GRIA4: variants seen among roughly 807,000 people sequenced by gnomAD.
GRIA4 encodes the protein glutamate receptor 4.
In GRIA4, 34 loss-of-function variants were observed where a neutral mutation model predicts 104.0. The ratio of observed to expected loss-of-function variants is 0.33; its 90% confidence interval spans 0.25 to 0.44. The LOEUF (loss-of-function observed/expected upper bound fraction) is 0.44, where lower values mean the gene tolerates loss of function less well. Ranked by LOEUF, GRIA4 falls within the 20% of genes least tolerant of loss-of-function variation. The pLI is 1.00. For missense variants in GRIA4, 750 were observed against 1,096.5 expected (o/e 0.68, Z 4.46); for synonymous variants, 386 against 381.9 (o/e 1.01, Z -0.13).
intron 3 of GRIA4, among the ~76,000 whole-genome samples, chr11:105,659,506 AAAG>A (rs1306700612): frequency 3.6e-4 from 55 of 152,054 alleles, no homozygotes; most frequent in African/African-American, 1.3e-3. Context: ...CAAGGATGGC[AAAG>A]AAGAAGGACA....
At chr11:105,746,782 C>T (rs775393510) in intron 3 of GRIA4, among the ~76,000 whole-genome samples, 4 of 151,960 alleles carry the variant, frequency 2.6e-5, no homozygotes, top group Non-Finnish European at 4.4e-5. Flanking sequence ...AGGGACAGAA[C>T]TAAGAAACAG....
chr11:105,693,294 G>T (rs1196940964), intron 3 of GRIA4, among the ~76,000 whole-genome samples: 3 of 152,098 alleles, frequency 2.0e-5, no homozygotes, highest in Admixed American at 6.5e-5. Context: ...TGTTCAATAT[G>T]CAGTTTTATC....
intron 5 of GRIA4, among the ~76,000 whole-genome samples, chr11:105,885,835 T>A (rs879200504): frequency 6.6e-6 from 1 of 152,214 alleles, no homozygotes; most frequent in African/African-American, 2.4e-5. Flanking sequence ...TGAGAACTTA[T>A]CATAAAAGTG....
At chr11:105,927,882 A>T (rs530040899) in intron 13 of GRIA4, among the ~76,000 whole-genome samples, 1 of 152,040 alleles carries the variant, frequency 6.6e-6, no homozygotes, top group African/African-American at 2.4e-5. Context: ...ATTTATGTCA[A>T]TTGTTTAAAC....
intron 3 of GRIA4, among the ~76,000 whole-genome samples, chr11:105,682,739 C>T (rs1449152748): frequency 1.3e-5 from 2 of 152,170 alleles, no homozygotes; most frequent in African/African-American, 4.8e-5. Flanking sequence ...AATTAAGCAA[C>T]ACTGCAATCT....
At chr11:105,674,316 T>C (rs1385587559) in intron 3 of GRIA4, among the ~76,000 whole-genome samples, 1 of 151,896 alleles carries the variant, frequency 6.6e-6, no homozygotes, top group African/African-American at 2.4e-5. Context: ...TTTGCTAAGT[T>C]GATGATTTGT....
At chr11:105,765,364 T>C (rs934670845) in intron 4 of GRIA4, among the ~76,000 whole-genome samples, 4 of 152,170 alleles carry the variant, frequency 2.6e-5, no homozygotes, top group African/African-American at 7.2e-5. Flanking sequence ...AACAGTAGAA[T>C]TGCATCAACA....
At chr11:105,905,358 A>G (rs1191278871) in intron 9 of GRIA4, 57 bp downstream of exon 9, 2 of 939,418 alleles carry the variant, frequency 2.1e-6, no homozygotes, top group African/African-American at 3.2e-5. Context: ...TGTATGTAAC[A>G]TTTTAAAGGT....
intron 3 of GRIA4, among the ~76,000 whole-genome samples, chr11:105,621,652 C>A (rs1950748292): frequency 6.6e-6 from 1 of 151,720 alleles, no homozygotes; most frequent in South Asian, 2.1e-4. Context: ...ATTTCCAGGT[C>A]TTTGATATTA....
At chr11:105,672,228 A>G (rs17104412) in intron 3 of GRIA4, among the ~76,000 whole-genome samples, 2,129 of 152,290 alleles carry the variant, frequency 0.014, 27 homozygotes, top group Non-Finnish European at 0.023. Context: ...AATGAGTTGA[A>G]TAATCACAAG....
At chr11:105,772,412 A>G (rs1385843544) in intron 4 of GRIA4, among the ~76,000 whole-genome samples, 1 of 152,158 alleles carries the variant, frequency 6.6e-6, no homozygotes, top group Non-Finnish European at 1.5e-5. Flanking sequence ...CAGACAATGT[A>G]AGCTTACAGT....
At position 105,886,762 on chromosome 11, in the gene GRIA4, T is replaced by C. The variant is rs1028250412; in HGVS notation, c.673-757T>C. 2.0e-5 allele frequency among the ~76,000 whole-genome samples: 3 copies of C among 152,260 alleles called. No individual in the cohort carries two copies. In the South Asian group the frequency reaches 6.2e-4, roughly 32 times the overall value. ...GTAACTGAAATTAGATTTTCTCTTGTTGAAGGAATTTTCAGTTTTTCAGAG... is the reference window on the plus strand; with the variant it reads ...GTAACTGAAATTAGATTTTCTCTTGCTGAAGGAATTTTCAGTTTTTCAGAG... On this transcript the variant is annotated intron_variant, in intron 5 of 16. Transcript: ENST00000282499.
chr11:105,641,699 C>T (rs555072411), intron 3 of GRIA4, among the ~76,000 whole-genome samples: 2 of 152,222 alleles, frequency 1.3e-5, no homozygotes, highest in South Asian at 4.1e-4. Context: ...ACCTTCCCAT[C>T]CTTAACCACT....
chr11:105,717,846 A>G lies in GRIA4; in HGVS notation c.248-35135A>G, dbSNP rs565485942. 4.9e-3 allele frequency among the ~76,000 whole-genome samples: 706 copies of G among 145,252 alleles called. 3 individuals are homozygous for G. Among genetic ancestry groups the G allele is most frequent in the Non-Finnish European group, 8.0e-3 (528 of 66,022 alleles). ...CATCTAGCATTAGGTATATCTCCCA[A>G]TGCTATCCCTCCCCCCTCCCCCCAC... On this transcript the variant is annotated intron_variant, in intron 3 of 16. Transcript: ENST00000282499.
intron 3 of GRIA4, among the ~76,000 whole-genome samples, chr11:105,669,824 C>T (rs117766326): frequency 3.4e-4 from 52 of 152,240 alleles, no homozygotes; most frequent in Admixed American, 5.9e-4. Context: ...TCATTTTTAA[C>T]GAATTCCCTT....
intron 6 of GRIA4, among the ~76,000 whole-genome samples, chr11:105,895,252 C>CGTGTGTGTGTGTGTGTGTGTGT (rs59472131): frequency 1.3e-5 from 2 of 148,756 alleles, no homozygotes; most frequent in Admixed American, 6.7e-5. Flanking sequence ...CGAGCTCATG[C>CGTGTGTGTGTGTGTGTGTGTGT]GTGTGTGTGT....
intron 4 of GRIA4, among the ~76,000 whole-genome samples, chr11:105,763,956 T>G (rs770219417): frequency 1.3e-5 from 2 of 152,190 alleles, no homozygotes; most frequent in South Asian, 2.1e-4. Flanking sequence ...TTTAAAAAGA[T>G]TTGAACTATG....
chr11:105,698,459 A>T (rs946307812), intron 3 of GRIA4, among the ~76,000 whole-genome samples: 6 of 152,198 alleles, frequency 3.9e-5, no homozygotes, highest in Non-Finnish European at 7.4e-5. Flanking sequence ...AGCTGGGGTC[A>T]GAGGCCATTT....
intron 3 of GRIA4, among the ~76,000 whole-genome samples, chr11:105,691,333 A>G (rs1409593199): frequency 6.6e-6 from 1 of 152,200 alleles, no homozygotes; most frequent in Non-Finnish European, 1.5e-5. Flanking sequence ...TTTTAAATAT[A>G]GGAAACAAAA....
Sources: gnomAD v4.1 joint callset for allele counts (sites outside exome capture counted in the v4.1 genomes callset) on GRCh38, gnomAD v4.1.1 for gene constraint, MANE v1.5 for transcripts, NCBI Gene and HGNC (gene_info 2026-07-23, HGNC 2026-07-21) for gene names.